The following AOAH variants were observed in gnomAD, a reference collection of about 807,000 sequenced individuals.
AOAH encodes acyloxyacyl hydrolase.
Under a neutral mutation model 92.2 loss-of-function variants are expected in AOAH, and 64 were observed. The observed-to-expected ratio is 0.69, with a 90% confidence interval of 0.57 to 0.86. The LOEUF (loss-of-function observed/expected upper bound fraction) is 0.86, where lower values mean the gene tolerates loss of function less well. Among genes scored for constraint, AOAH ranks in the 40% least tolerant of loss-of-function variants. The probability of loss-of-function intolerance (pLI) is 0.00; values close to 1 mark genes in which losing one functional copy is unlikely to be tolerated. For synonymous variants in AOAH, 263 were observed against 254.5 expected (o/e 1.03, Z -0.32); for missense variants, 656 against 694.6 (o/e 0.94, Z 0.62).
chr7:36,693,572 T>G (rs1187402973), intron 1 of AOAH, among the ~76,000 whole-genome samples: 1 of 152,190 alleles, frequency 6.6e-6, no homozygotes, highest in African/African-American at 2.4e-5. Flanking sequence ...AGTATTAGTA[T>G]TGATCTCAAT....
At chr7:36,573,007 A>G (rs1330973979) in intron 13 of AOAH, among the ~76,000 whole-genome samples, 1 of 152,186 alleles carries the variant, frequency 6.6e-6, no homozygotes, top group Non-Finnish European at 1.5e-5. Context: ...ATGAACCATG[A>G]TCCCCATTTT....
Position 36,711,069 on chromosome 7 carries a change from T to C in AOAH, c.127+12953A>G, listed in dbSNP as rs149465728. Among the ~76,000 whole-genome samples the C allele has an allele frequency of 2.2e-3, 336 of 152,298 alleles. 3 individuals are homozygous for C. The highest frequency in any genetic ancestry group is 7.8e-3 in the African/African-American group (326 of 41,568). ...CCACACTCTGCAGGTCTTAACCCCA[T>C]GCCTTACTATTGCTTCCACAAGCAC... On this transcript the variant is annotated intron_variant, in intron 1 of 20. Transcript: ENST00000617537.
intron 1 of AOAH, among the ~76,000 whole-genome samples, chr7:36,688,491 T>A (rs1383082084): frequency 6.6e-6 from 1 of 152,122 alleles, no homozygotes; most frequent in East Asian, 1.9e-4. Flanking sequence ...GCTAAATAAA[T>A]TTTAATAACT....
intron 19 of AOAH, among the ~76,000 whole-genome samples, chr7:36,529,180 C>T (rs1487006756): frequency 6.6e-6 from 1 of 151,892 alleles, no homozygotes; most frequent in Non-Finnish European, 1.5e-5. Context: ...CAGAGAATTG[C>T]CTGCAGTCCC....
At chr7:36,632,378 C>T (rs2116242422) in intron 5 of AOAH, among the ~76,000 whole-genome samples, 1 of 152,336 alleles carries the variant, frequency 6.6e-6, no homozygotes, top group Admixed American at 6.5e-5. Context: ...CCTCACTCTC[C>T]ACCTTGTTCC....
intron 19 of AOAH, among the ~76,000 whole-genome samples, 170 bp from the exon 20 acceptor site, chr7:36,522,285 T>A (rs1784145807): frequency 1.3e-5 from 2 of 152,246 alleles, no homozygotes; most frequent in Non-Finnish European, 2.9e-5. Context: ...AGAAATGATC[T>A]TCCCGCTGTG....
chr7:36,632,979 G>C (rs1793238864), intron 5 of AOAH, among the ~76,000 whole-genome samples: 1 of 152,250 alleles, frequency 6.6e-6, no homozygotes, highest in African/African-American at 2.4e-5. Context: ...TGGAGACAAA[G>C]AGGCTGTCCT....
intron 20 of AOAH, among the ~76,000 whole-genome samples, chr7:36,515,923 A>C (rs1404086371): frequency 5.1e-5 from 7 of 137,800 alleles, no homozygotes; most frequent in Non-Finnish European, 1.1e-4. Context: ...CACCACACAC[A>C]TACATCACAC....
chr7:36,529,397 A>G (rs1464008481), intron 19 of AOAH, among the ~76,000 whole-genome samples: 3 of 152,236 alleles, frequency 2.0e-5, no homozygotes, highest in Admixed American at 2.0e-4. Flanking sequence ...GTTATTTATC[A>G]AAATGTCTCT....
chr7:36,531,179 T>G (rs550727073), intron 18 of AOAH, among the ~76,000 whole-genome samples: 1 of 152,292 alleles, frequency 6.6e-6, no homozygotes, highest in South Asian at 2.1e-4. Flanking sequence ...ACCAAATATA[T>G]TGATCTCTAG....
chr7:36,645,702 T>A (rs7794973), intron 4 of AOAH, among the ~76,000 whole-genome samples: 256 of 151,924 alleles, frequency 1.7e-3, no homozygotes, highest in African/African-American at 5.9e-3. Flanking sequence ...GTTCTGACAC[T>A]TTCCAGCTCC....
chr7:36,651,902 CA>C (rs1473525272), intron 4 of AOAH, among the ~76,000 whole-genome samples: 1 of 152,156 alleles, frequency 6.6e-6, no homozygotes, highest in Non-Finnish European at 1.5e-5. Context: ...CAGAGACACA[CA>C]TACAGACACA....
intron 15 of AOAH, among the ~76,000 whole-genome samples, chr7:36,547,406 G>C (rs541786327): frequency 6.6e-6 from 1 of 152,276 alleles, no homozygotes; most frequent in East Asian, 1.9e-4. Flanking sequence ...TATCTGTGCG[G>C]GCAAACACAC....
At chr7:36,616,737 A>G (rs1339004133) in intron 10 of AOAH, among the ~76,000 whole-genome samples, 2 of 152,230 alleles carry the variant, frequency 1.3e-5, no homozygotes, top group Non-Finnish European at 2.9e-5. Context: ...TCTTGAGTGA[A>G]TGATGGATGA....
In AOAH at chr7:36,594,381, GGCCA is replaced by G. The variant is rs1789955587; in HGVS notation, c.892_895del (p.Trp298ProfsTer49). On this transcript the variant is annotated frameshift_variant, in exon 12 of 21. Transcript: ENST00000617537. LOFTEE classifies it high-confidence loss of function. ...AAATCCTGTAGCACCAGAGAGTTGG[GGCCA>G]GTCAAGCTCGTTGGTAAGGGCTGTT... is the stretch of plus-strand genomic sequence containing the variant. The G allele has an allele frequency of 6.2e-7, 1 of 1,614,038 alleles. No individual in the cohort carries two copies. The highest frequency in any genetic ancestry group is 8.5e-7 in the Non-Finnish European group (1 of 1,179,938).
intron 13 of AOAH, among the ~76,000 whole-genome samples, chr7:36,566,880 G>A (rs927262825): frequency 6.6e-6 from 1 of 152,092 alleles, no homozygotes; most frequent in African/African-American, 2.4e-5. Flanking sequence ...CAGTGATCTC[G>A]GCTCACTGCA....
intron 1 of AOAH, among the ~76,000 whole-genome samples, chr7:36,716,532 A>C (rs1322483726): frequency 6.7e-6 from 1 of 149,382 alleles, no homozygotes; most frequent in Non-Finnish European, 1.5e-5. Context: ...ACGTATGTTT[A>C]TTGCGGCACT....
chr7:36,687,684 G>A (rs6462690), intron 1 of AOAH, among the ~76,000 whole-genome samples: 117,358 of 151,978 alleles, frequency 0.77, 45,552 homozygotes, highest in East Asian at 0.92. Context: ...ATTTCTAAGG[G>A]GGCAAAGGAA....
chr7:36,577,658 C>T (rs1788611657), intron 12 of AOAH, among the ~76,000 whole-genome samples: 1 of 151,948 alleles, frequency 6.6e-6, no homozygotes, highest in Non-Finnish European at 1.5e-5. Context: ...TTTTCATTTT[C>T]TTTCGCTTAA....
Sources: gnomAD v4.1 joint callset for allele counts (sites outside exome capture counted in the v4.1 genomes callset) on GRCh38, gnomAD v4.1.1 for gene constraint, MANE v1.5 for transcripts, NCBI Gene and HGNC (gene_info 2026-07-23, HGNC 2026-07-21) for gene names.